The following LAD1 variants were observed in gnomAD, a reference collection of about 807,000 sequenced individuals.
LAD1 encodes the protein ladinin-1.
Under a neutral mutation model 54.2 loss-of-function variants are expected in LAD1, and 53 were observed. The observed-to-expected ratio is 0.98, with a 90% confidence interval of 0.78 to 1.23. LAD1 has a LOEUF of 1.23. Among genes scored for constraint, LAD1 ranks in the 50% most tolerant of loss-of-function variants. The probability of loss-of-function intolerance (pLI) is 0.00; values close to 1 mark genes in which losing one functional copy is unlikely to be tolerated. For synonymous variants in LAD1, 231 were observed against 257.7 expected (o/e 0.90, Z 0.99); for missense variants, 637 against 653.3 (o/e 0.98, Z 0.27).
At chr1:201,394,257 G>C (rs140730503) in intron 1 of LAD1, among the ~76,000 whole-genome samples, 2 of 152,296 alleles carry the variant, frequency 1.3e-5, no homozygotes, top group East Asian at 3.9e-4. Flanking sequence ...GCACAAAGGG[G>C]GAACAAAGCC....
At position 201,383,408 on chromosome 1, in the gene LAD1, A is replaced by T; in HGVS notation, c.1176-19T>A. 1.2e-6 allele frequency: 2 copies of T among 1,613,628 alleles called. No homozygotes were observed. Among genetic ancestry groups the T allele is most frequent in the South Asian group, 1.1e-5 (1 of 91,068 alleles). On this transcript the variant is annotated intron_variant, in intron 5 of 9. Transcript: ENST00000391967. ...GCTGGCACTGCAGGATGGAAGATGG[A>T]ACAGGCGAGCCAAGTGAGACACCCA...
chr1:201,388,681 C>CA (rs35111170), intron 2 of LAD1, among the ~76,000 whole-genome samples: 50,130 of 107,450 alleles, frequency 0.47, 9,896 homozygotes, highest in Middle Eastern at 0.52. Context: ...GACTTCGTCT[C>CA]AAAAAAAAAA....
intron 1 of LAD1, among the ~76,000 whole-genome samples, chr1:201,392,332 T>C (rs1171631920): frequency 6.6e-6 from 1 of 152,256 alleles, no homozygotes; most frequent in Non-Finnish European, 1.5e-5. Flanking sequence ...CAACAGGGTC[T>C]TCCCCTTCAC....
At chr1:201,392,358 C>G (rs1167873363) in intron 1 of LAD1, among the ~76,000 whole-genome samples, 1 of 152,226 alleles carries the variant, frequency 6.6e-6, no homozygotes, top group Non-Finnish European at 1.5e-5. Flanking sequence ...ACACATCCAG[C>G]ATGGGGGAGT....
Position 201,382,215 on chromosome 1 carries a change from C to G in LAD1, c.1548+37G>C, listed in dbSNP as rs765222656. The G allele has an allele frequency of 4.5e-6, 7 of 1,559,162 alleles. No individual in the cohort carries two copies. In the East Asian group the frequency reaches 1.3e-4, roughly 30 times the overall value. ...GGGGTCTCCCACAGTACACCGTGGCCCTCCGCCGTAGGGCCAGGCTCCTCC... is the reference window on the plus strand; with the variant it reads ...GGGGTCTCCCACAGTACACCGTGGCGCTCCGCCGTAGGGCCAGGCTCCTCC... On this transcript the variant is annotated intron_variant, in intron 9 of 9. Coordinates refer to ENST00000391967, the MANE Select transcript of LAD1 (RefSeq NM_005558.4).
chr1:201,396,998 G>A (rs61152181), intron 1 of LAD1, among the ~76,000 whole-genome samples: 11,182 of 152,228 alleles, frequency 0.073, 844 homozygotes, highest in African/African-American at 0.19. Flanking sequence ...AGGCCAGTCC[G>A]GGGAGAAAAG....
rs779380786 is a variant in LAD1 at position 201,382,328 on chromosome 1, T to C, written c.1474-2A>G. Reference sequence around the variant, plus strand: ...TGCAGATGATGCTTTCTGTGCCTCCTGATTGAGGGTATCAGGGTGGAGACC... The same window carrying C: ...TGCAGATGATGCTTTCTGTGCCTCCCGATTGAGGGTATCAGGGTGGAGACC... On this transcript the variant is annotated splice_acceptor_variant, in intron 8 of 9. Coordinates refer to ENST00000391967, the MANE Select transcript of LAD1 (RefSeq NM_005558.4). LOFTEE classifies it high-confidence loss of function. 3.6e-5 allele frequency: 58 copies of C among 1,611,780 alleles called. 2 individuals carry two copies. The South Asian group carries it at 6.3e-4, about 17-fold the overall frequency.
intron 9 of LAD1, 59 bp downstream of exon 9, chr1:201,382,193 G>A: frequency 7.2e-7 from 1 of 1,385,222 alleles, no homozygotes; most frequent in Non-Finnish European, 1.0e-6. Flanking sequence ...GGACGATGGG[G>A]TCTCCCACAG....
chr1:201,390,163 C>T (rs577522084), intron 1 of LAD1, among the ~76,000 whole-genome samples: 54 of 152,050 alleles, frequency 3.6e-4, no homozygotes, highest in African/African-American at 1.2e-3. Context: ...AAGCAATCCT[C>T]CCACCTTGGC....
chr1:201,394,092 C>T (rs1360599787), intron 1 of LAD1, among the ~76,000 whole-genome samples: 1 of 152,184 alleles, frequency 6.6e-6, no homozygotes, highest in Non-Finnish European at 1.5e-5. Flanking sequence ...AGAGAAACAA[C>T]CGCAGGATAG....
chr1:201,388,556 GC>G (rs1662138536), intron 2 of LAD1, among the ~76,000 whole-genome samples: 1 of 151,786 alleles, frequency 6.6e-6, no homozygotes, highest in Non-Finnish European at 1.5e-5. Context: ...GGTGGTGGGT[GC>G]CTGTAGTCCC....
intron 1 of LAD1, among the ~76,000 whole-genome samples, chr1:201,396,213 C>T (rs979488307): frequency 1.3e-5 from 2 of 152,146 alleles, no homozygotes; most frequent in Non-Finnish European, 2.9e-5. Context: ...ACCACTCCTT[C>T]CCTCTAGACA....
chr1:201,397,035 G>A lies in LAD1; in HGVS notation c.38+2234C>T, dbSNP rs533880087. Among the ~76,000 whole-genome samples, 29 of 152,312 alleles carry A rather than the reference G, an allele frequency of 1.9e-4. 2 individuals carry two copies. In the South Asian group the frequency reaches 6.0e-3, roughly 32 times the overall value. ...ACAAGGCCTCTGACCAGGGCACCCA[G>A]CCAGCCAGCTCACCACTGCCCCCCC... On this transcript the variant is annotated intron_variant, in intron 1 of 9. Transcript: ENST00000391967.
intron 1 of LAD1, among the ~76,000 whole-genome samples, chr1:201,391,410 T>C (rs1401283019): frequency 6.6e-6 from 1 of 152,086 alleles, no homozygotes; most frequent in Non-Finnish European, 1.5e-5. Flanking sequence ...CCACCTGCCC[T>C]ACCTACCACC....
intron 1 of LAD1, among the ~76,000 whole-genome samples, chr1:201,389,629 A>G (rs1662163492): frequency 6.6e-6 from 1 of 151,596 alleles, no homozygotes; most frequent in Non-Finnish European, 1.5e-5. Flanking sequence ...CTTGAGCAAC[A>G]TGGCAACCTC....
At chr1:201,393,638 T>A (rs1008665876) in intron 1 of LAD1, among the ~76,000 whole-genome samples, 32 of 151,506 alleles carry the variant, frequency 2.1e-4, no homozygotes, top group Admixed American at 1.7e-3. Context: ...CCCAGCCACT[T>A]GGGAGGCTGA....
chr1:201,391,270 C>T, intron 1 of LAD1: 1 of 404,510 alleles, frequency 2.5e-6, no homozygotes, highest in Non-Finnish European at 4.9e-6. Context: ...GGTTCCTGCC[C>T]CAGTCACCCT....
intron 3 of LAD1, 33 bp from the exon 4 acceptor site, chr1:201,385,838 G>T: frequency 6.6e-7 from 1 of 1,506,584 alleles, no homozygotes; most frequent in African/African-American, 1.4e-5. Context: ...CACATAAGAG[G>T]TCTAGGGCCC....
chr1:201,382,622 C>T, intron 8 of LAD1, 31 bp downstream of exon 8: 7 of 1,535,064 alleles, frequency 4.6e-6, no homozygotes, highest in Non-Finnish European at 6.2e-6. Flanking sequence ...AAAGGCTCCA[C>T]AGTAAGAGAC....
Sources: allele counts gnomAD v4.1 joint callset (sites outside exome capture counted in the v4.1 genomes callset), GRCh38; gene constraint gnomAD v4.1.1; transcripts MANE v1.5; gene names NCBI Gene and HGNC (gene_info 2026-07-23, HGNC 2026-07-21).